The following TMTC2 variants were observed in gnomAD, a reference collection of about 807,000 sequenced individuals.
TMTC2 encodes transmembrane O-mannosyltransferase targeting cadherins 2, also known as protein O-mannosyl-transferase TMTC2.
In TMTC2, 43 loss-of-function variants were observed where a neutral mutation model predicts 82.4. That is an observed-to-expected ratio of 0.52 (90% CI 0.41 to 0.67). The LOEUF is 0.67. TMTC2 is among the 30% of genes least tolerant of loss of function. TMTC2 has a pLI of 0.00. For synonymous variants in TMTC2, 408 were observed against 381.9 expected (o/e 1.07, Z -0.80); for missense variants, 919 against 1,012.4 (o/e 0.91, Z 1.25).
At chr12:83,114,482 G>A (rs1884694326) in intron 11 of TMTC2, among the ~76,000 whole-genome samples, 2 of 152,012 alleles carry the variant, frequency 1.3e-5, no homozygotes, top group Admixed American at 1.3e-4. Flanking sequence ...GAACTGACTG[G>A]GAAACCATCT....
intron 11 of TMTC2, among the ~76,000 whole-genome samples, chr12:83,115,750 C>T (rs1164117429): frequency 4.6e-5 from 7 of 151,930 alleles, no homozygotes; most frequent in South Asian, 4.2e-4. Flanking sequence ...AACCATCACC[C>T]GGGCAGTATA....
intron 1 of TMTC2, among the ~76,000 whole-genome samples, chr12:82,835,762 A>G (rs913389405): frequency 1.3e-5 from 2 of 152,194 alleles, no homozygotes; most frequent in Non-Finnish European, 2.9e-5. Context: ...ATTGATATGG[A>G]CATTGCAGTT....
At chr12:82,826,112 C>G (rs371184428) in intron 1 of TMTC2, among the ~76,000 whole-genome samples, 3 of 152,174 alleles carry the variant, frequency 2.0e-5, no homozygotes, top group African/African-American at 7.2e-5. Context: ...TTTAAGTAAA[C>G]TTACTAATCT....
intron 8 of TMTC2, among the ~76,000 whole-genome samples, chr12:83,017,115 ATCTTTGTTAATGCTC>A: frequency 6.6e-6 from 1 of 152,146 alleles, no homozygotes; most frequent in Non-Finnish European, 1.5e-5. Flanking sequence ...CTGAAAGGAT[ATCTTTGTTAATGCTC>A]TCTTTGTTAA....
chr12:82,703,453 G>A (rs1873178157), intron 1 of TMTC2, among the ~76,000 whole-genome samples: 1 of 151,608 alleles, frequency 6.6e-6, no homozygotes, highest in South Asian at 2.1e-4. Flanking sequence ...TTTTCTTTGT[G>A]GGGAGAAAAA....
intron 3 of TMTC2, among the ~76,000 whole-genome samples, chr12:82,903,088 G>A (rs899786466): frequency 6.6e-6 from 1 of 151,942 alleles, no homozygotes; most frequent in East Asian, 1.9e-4. Flanking sequence ...TTTTACCTTC[G>A]TCATTGCTTC....
chr12:82,779,118 A>C (rs771507863), intron 1 of TMTC2, among the ~76,000 whole-genome samples: 1 of 151,918 alleles, frequency 6.6e-6, no homozygotes, highest in East Asian at 1.9e-4. Flanking sequence ...GTGGCAGAGG[A>C]GGGCATTCCA....
intron 8 of TMTC2, among the ~76,000 whole-genome samples, chr12:83,029,175 A>G (rs907490051): frequency 5.9e-5 from 9 of 152,142 alleles, no homozygotes; most frequent in African/African-American, 2.2e-4. Context: ...GAGAGGGAGT[A>G]TGGAGAAAAG....
chr12:82,972,824 C>T (rs1268616073), intron 7 of TMTC2, among the ~76,000 whole-genome samples: 1 of 152,136 alleles, frequency 6.6e-6, no homozygotes, highest in Non-Finnish European at 1.5e-5. Flanking sequence ...AAGTCTGTTT[C>T]TTTCTCAGCC....
chr12:83,077,787 A>G (rs1205718187), intron 11 of TMTC2, among the ~76,000 whole-genome samples: 1 of 148,112 alleles, frequency 6.8e-6, no homozygotes, highest in African/African-American at 2.5e-5. Flanking sequence ...ATTGGCCAGG[A>G]TGATCTTGAT....
chr12:83,035,461 T>G (rs1043058805), intron 9 of TMTC2, among the ~76,000 whole-genome samples: 1 of 152,178 alleles, frequency 6.6e-6, no homozygotes, highest in African/African-American at 2.4e-5. Context: ...TGACATGGAC[T>G]CCAAAAATGT....
intron 11 of TMTC2, among the ~76,000 whole-genome samples, chr12:83,070,686 T>C (rs1443078936): frequency 6.6e-6 from 1 of 152,208 alleles, no homozygotes; most frequent in East Asian, 1.9e-4. Context: ...CCCTTATTTC[T>C]TTCTCTTGTC....
intron 3 of TMTC2, among the ~76,000 whole-genome samples, chr12:82,909,531 G>T (rs769776746): frequency 2.0e-5 from 3 of 151,898 alleles, no homozygotes; most frequent in Non-Finnish European, 4.4e-5. Flanking sequence ...TAGTAGAGAT[G>T]GGGTTTCACC....
intron 11 of TMTC2, among the ~76,000 whole-genome samples, chr12:83,088,193 G>A (rs914428893): frequency 6.6e-6 from 1 of 152,152 alleles, no homozygotes; most frequent in African/African-American, 2.4e-5. Flanking sequence ...TTCTTCTGTA[G>A]CTTTCTTATC....
rs545871278 is a variant in TMTC2, at chr12:82,687,288, G to A, written c.-299G>A. On this transcript the variant is annotated 5_prime_UTR_variant, in exon 1 of 12. Transcript: ENST00000321196. The stretch of plus-strand genomic sequence containing the variant: ...GGATCGCGACCCGCGCGAAAGACCA[G>A]CCCTGCGCTTCCGCCGGGGGACGCG... 84 of 488,134 alleles carry A rather than the reference G, an allele frequency of 1.7e-4. No homozygotes were observed. The East Asian group carries it at 2.0e-3, about 12-fold the overall frequency. 30.2% of individuals were successfully genotyped at this position (488,134 alleles called of 1,614,324 possible).
In TMTC2 at chr12:82,896,432, A is replaced by T. The variant is rs1393020642; in HGVS notation, c.1269A>T (p.Val423=). The T allele has an allele frequency of 6.2e-7, 1 of 1,614,042 alleles. No individual in the cohort carries two copies. The highest frequency in any genetic ancestry group is 1.3e-5 in the African/African-American group (1 of 74,928). ...TCGGCTTTGTAATTGCAGAGCGAGT[A>T]TTATATATTCCTAGTATGGGCTTCT... ...FYVGFVIAER[V]LYIPSMGFCL... The change falls in exon 3 of 12, where the codon GTA becomes GTT. Residue 423 remains valine, a synonymous_variant. Coordinates refer to ENST00000321196, the MANE Select transcript of TMTC2 (RefSeq NM_152588.3).
chr12:82,918,714 TTC>T lies in TMTC2; in HGVS notation c.1484-11693_1484-11692del, dbSNP rs61006862. Among the ~76,000 whole-genome samples, 1,166 of 148,434 alleles carry T rather than the reference TTC, an allele frequency of 7.9e-3. 5 individuals are homozygous for T. Among genetic ancestry groups the T allele is most frequent in the African/African-American group, 0.012 (486 of 40,262 alleles). On this transcript the variant is annotated intron_variant, in intron 3 of 11. Coordinates refer to ENST00000321196, the MANE Select transcript of TMTC2 (RefSeq NM_152588.3). ...TTTTTATTTTATCTTTTTTCTTTTC[TTC>T]TCTCTCTCTCTCTCTCTCTCTCTTT...
rs71309537 is a variant in TMTC2 at position 82,940,014 on chromosome 12, CTTTTTTTTT to C, written c.1598+9484_1598+9492del. On this transcript the variant is annotated intron_variant, in intron 4 of 11. Transcript: ENST00000321196. ...ACATGTATTTCTTTTTCTTTCTTTA[CTTTTTTTTT>C]TTTTTTTTTTTTTTGAGACGGAGTT... 1.1e-3 allele frequency among the ~76,000 whole-genome samples: 103 copies of C among 91,254 alleles called. 1 individual carries two copies. Among genetic ancestry groups the C allele is most frequent in the African/African-American group, 3.9e-3 (91 of 23,344 alleles). 59.9% of individuals were successfully genotyped at this position (91,254 alleles called of 152,430 possible).
At chr12:82,919,293 T>C (rs1332269052) in intron 3 of TMTC2, among the ~76,000 whole-genome samples, 2 of 152,192 alleles carry the variant, frequency 1.3e-5, no homozygotes. Context: ...CCATGAGGGC[T>C]TCACCCTTGT....
Sources: gnomAD v4.1 joint callset for allele counts (sites outside exome capture counted in the v4.1 genomes callset) on GRCh38, gnomAD v4.1.1 for gene constraint, MANE v1.5 for transcripts, NCBI Gene and HGNC (gene_info 2026-07-23, HGNC 2026-07-21) for gene names.